Variants in THSD7B observed in about 807,000 individuals in gnomAD.
THSD7B encodes the protein thrombospondin type-1 domain-containing protein 7B.
A neutral mutation model predicts 213.6 loss-of-function variants in THSD7B; 138 were observed. The observed-to-expected ratio is 0.65, with a 90% CI of 0.56 to 0.74. The LOEUF is 0.74. Ranked by LOEUF, THSD7B falls within the 30% of genes least tolerant of loss-of-function variation. The pLI is 0.00. For synonymous variants in THSD7B, 742 were observed against 687.0 expected, an observed-to-expected ratio of 1.08 and a Z score of -1.25; for missense variants, 1,931 against 1,991.5, an observed-to-expected ratio of 0.97 and a Z score of 0.58.
chr2:137,094,818 G>T, intron 3 of THSD7B, 55 bp from the exon 4 acceptor site: 1 of 1,565,354 alleles, frequency 6.4e-7, no homozygotes, highest in South Asian at 1.2e-5. Flanking sequence ...ACTTTATAAT[G>T]TTAGTTGCAT....
chr2:136,882,679 G>A (rs1362403026), intron 2 of THSD7B, among the ~76,000 whole-genome samples: 1 of 152,182 alleles, frequency 6.6e-6, no homozygotes, highest in African/African-American at 2.4e-5. Flanking sequence ...AGTTCTGCAT[G>A]TCTCTTTCAG....
intron 1 of THSD7B, among the ~76,000 whole-genome samples, chr2:136,881,940 T>G (rs1683631545): frequency 6.6e-6 from 1 of 152,158 alleles, no homozygotes. Context: ...TACACTTCAC[T>G]ACAAAAAATA....
At chr2:137,573,906 A>G (rs940290644) in intron 17 of THSD7B, among the ~76,000 whole-genome samples, 11 of 152,116 alleles carry the variant, frequency 7.2e-5, no homozygotes, top group Admixed American at 5.2e-4. Context: ...TAGACTCAAT[A>G]CTTTTCTTTG....
intron 10 of THSD7B, among the ~76,000 whole-genome samples, chr2:137,252,506 T>C (rs1422617058): frequency 1.3e-5 from 2 of 152,124 alleles, no homozygotes; most frequent in Non-Finnish European, 2.9e-5. Context: ...CTCGCCATGT[T>C]GCCCAGGCTT....
intron 2 of THSD7B, among the ~76,000 whole-genome samples, chr2:136,931,311 T>A (rs1684623490): frequency 2.6e-5 from 4 of 152,204 alleles, no homozygotes; most frequent in Non-Finnish European, 5.9e-5. Context: ...AGCCGAATTT[T>A]ACAATTGAGG....
At chr2:137,564,123 T>C (rs1573711949) in intron 16 of THSD7B, among the ~76,000 whole-genome samples, 1 of 152,320 alleles carries the variant, frequency 6.6e-6, no homozygotes, top group Admixed American at 6.5e-5. Context: ...TAGTTAACTA[T>C]TGCACATGCA....
intron 1 of THSD7B, among the ~76,000 whole-genome samples, chr2:136,844,642 G>A (rs760911244): frequency 3.9e-5 from 6 of 152,206 alleles, no homozygotes; most frequent in Non-Finnish European, 7.4e-5. Flanking sequence ...GCACACATAG[G>A]TGATGACTAT....
At chr2:137,298,733 A>T (rs919479224) in intron 12 of THSD7B, among the ~76,000 whole-genome samples, 3 of 152,296 alleles carry the variant, frequency 2.0e-5, no homozygotes, top group Non-Finnish European at 4.4e-5. Context: ...GGAAGCCCCA[A>T]ACCTTGGCAA....
At chr2:136,983,332 A>AACACACACAGACACACAGACACACAC (rs1685614811) in intron 2 of THSD7B, among the ~76,000 whole-genome samples, 1 of 27,596 alleles carries the variant, frequency 3.6e-5, no homozygotes, top group East Asian at 1.3e-3. Context: ...TTGTTGCTTC[A>AACACACACAGACACACAGACACACAC]ACACACACAC....
chr2:137,264,480 C>A (rs1342737899), intron 10 of THSD7B, among the ~76,000 whole-genome samples: 1 of 152,112 alleles, frequency 6.6e-6, no homozygotes, highest in Non-Finnish European at 1.5e-5. Context: ...GATCTCCTGA[C>A]CTCGTGATCC....
intron 12 of THSD7B, among the ~76,000 whole-genome samples, chr2:137,311,525 A>G (rs1458786535): frequency 1.3e-5 from 2 of 152,110 alleles, no homozygotes; most frequent in African/African-American, 2.4e-5. Flanking sequence ...TGCCCTGAAC[A>G]GAACTTCCAA....
At chr2:136,805,152 A>G (rs569991637) in intron 1 of THSD7B, among the ~76,000 whole-genome samples, 1 of 152,304 alleles carries the variant, frequency 6.6e-6, no homozygotes, top group South Asian at 2.1e-4. Flanking sequence ...GCAGAACCAT[A>G]TAGACTGCAT....
intron 14 of THSD7B, among the ~76,000 whole-genome samples, chr2:137,438,676 C>T (rs553167670): frequency 6.6e-6 from 1 of 152,084 alleles, no homozygotes; most frequent in African/African-American, 2.4e-5. Context: ...GGATATAAGC[C>T]TAGGTCAGCT....
chr2:137,505,329 G>T (rs1679809584), intron 15 of THSD7B, among the ~76,000 whole-genome samples: 1 of 152,230 alleles, frequency 6.6e-6, no homozygotes, highest in African/African-American at 2.4e-5. Flanking sequence ...TGGCTCTGGG[G>T]AGGGACATGA....
At chr2:137,378,238 T>C (rs2104960015) in intron 12 of THSD7B, among the ~76,000 whole-genome samples, 1 of 152,310 alleles carries the variant, frequency 6.6e-6, no homozygotes, top group Non-Finnish European at 1.5e-5. Flanking sequence ...AAGAATATGA[T>C]TTATATGCAT....
At chr2:137,170,616 C>CA in intron 6 of THSD7B, 125 bp from the exon 7 acceptor site, 1 of 832,218 alleles carries the variant, frequency 1.2e-6, no homozygotes, top group South Asian at 1.9e-5. Context: ...TAAAACACAT[C>CA]AAGATAATAC....
chr2:137,471,894 T>C (rs1688101285), intron 15 of THSD7B, among the ~76,000 whole-genome samples: 1 of 152,194 alleles, frequency 6.6e-6, no homozygotes, highest in African/African-American at 2.4e-5. Flanking sequence ...TGAAACTTGT[T>C]CTGTTGTTTT....
In THSD7B at chr2:137,488,045, G is replaced by A. The variant is rs1299994838; in HGVS notation, c.3138+37022G>A. On this transcript the variant is annotated intron_variant, in intron 15 of 27. Transcript: ENST00000409968. ...CCCAAAGTGCTGGGATTACAGGCGT[G>A]AGCCACCGCGCCCGGCCTATTTTGA... 5.7e-4 allele frequency among the ~76,000 whole-genome samples: 7 copies of A among 12,242 alleles called. 3 individuals are homozygous for A. The highest frequency in any genetic ancestry group is 1.1e-3 in the African/African-American group (7 of 6,208). 8.0% of individuals were successfully genotyped at this position (12,242 alleles called of 152,430 possible).
intron 12 of THSD7B, among the ~76,000 whole-genome samples, chr2:137,310,076 C>T (rs1043692569): frequency 3.4e-4 from 51 of 151,500 alleles, no homozygotes; most frequent in African/African-American, 1.1e-3. Context: ...CCTGAGGAAT[C>T]GCCACACTGA....
Sources: allele counts gnomAD v4.1 joint callset (sites outside exome capture counted in the v4.1 genomes callset), GRCh38; gene constraint gnomAD v4.1.1; transcripts MANE v1.5; gene names NCBI Gene and HGNC (gene_info 2026-07-23, HGNC 2026-07-21).